SSBP2: variants seen among roughly 807,000 people sequenced by gnomAD.
The protein encoded by SSBP2 is single stranded DNA binding protein 2.
SSBP2 carries 17 observed loss-of-function variants against 61.8 expected under a neutral mutation model. That is an observed-to-expected ratio of 0.28 (90% CI 0.19 to 0.41). SSBP2 has a LOEUF of 0.41. SSBP2 is among the 10% of genes least tolerant of loss of function. SSBP2 has a pLI of 1.00. For missense variants in SSBP2, 310 were observed against 458.7 expected (o/e 0.68, Z 2.96); for synonymous variants, 139 against 141.3 (o/e 0.98, Z 0.12).
chr5:81,639,289 T>C (rs955156533), intron 2 of SSBP2, among the ~76,000 whole-genome samples: 1 of 152,202 alleles, frequency 6.6e-6, no homozygotes, highest in Non-Finnish European at 1.5e-5. Flanking sequence ...TAGAGTTTAC[T>C]ATAATAAAAA....
intron 2 of SSBP2, 63 bp downstream of exon 2, chr5:81,650,204 T>C (rs1294794252): frequency 7.0e-6 from 8 of 1,144,810 alleles, no homozygotes; most frequent in Admixed American, 2.5e-5. Flanking sequence ...ATAATTATTA[T>C]AGTGTGTTTT....
chr5:81,517,255 AGTT>A, intron 4 of SSBP2, among the ~76,000 whole-genome samples: 1 of 152,142 alleles, frequency 6.6e-6, no homozygotes, highest in Middle Eastern at 3.4e-3. Flanking sequence ...TATCATTAAA[AGTT>A]GTTTTGTTTC....
intron 4 of SSBP2, among the ~76,000 whole-genome samples, chr5:81,605,784 G>A (rs934143441): frequency 6.6e-6 from 1 of 152,120 alleles, no homozygotes; most frequent in African/African-American, 2.4e-5. Flanking sequence ...TAATTTCACT[G>A]GGATAGTACT....
intron 6 of SSBP2, among the ~76,000 whole-genome samples, chr5:81,486,306 C>T (rs2154044342): frequency 2.0e-5 from 3 of 152,152 alleles, no homozygotes; most frequent in Admixed American, 2.0e-4. Context: ...TTTACATTCC[C>T]ACCACCAACC....
intron 1 of SSBP2, among the ~76,000 whole-genome samples, chr5:81,704,866 T>G (rs1754257140): frequency 6.6e-6 from 1 of 151,474 alleles, no homozygotes; most frequent in African/African-American, 2.4e-5. Context: ...TAGGCTAAGT[T>G]TAAATGAGTT....
In SSBP2 at chr5:81,574,666, GA is replaced by G. The variant is rs1181591964; in HGVS notation, c.282+40806del. On this transcript the variant is annotated intron_variant, in intron 4 of 16. Transcript: ENST00000320672. The stretch of plus-strand genomic sequence containing the variant: ...GGTAAAACGCGGCGAAAACCAAAGG[GA>G]AAAAAACCCCACAATCTTAAAACCA... Among the ~76,000 whole-genome samples the G allele has an allele frequency of 2.6e-5, 4 of 151,286 alleles. No individual in the cohort carries two copies. The East Asian group carries it at 7.8e-4, about 29-fold the overall frequency.
chr5:81,681,336 G>A (rs571516604), intron 1 of SSBP2, among the ~76,000 whole-genome samples: 7 of 151,986 alleles, frequency 4.6e-5, no homozygotes, highest in East Asian at 1.9e-4. Context: ...CCTGGCCAAC[G>A]TGGCAAAACC....
At chr5:81,723,744 G>C (rs1428833159) in intron 1 of SSBP2, among the ~76,000 whole-genome samples, 1 of 151,880 alleles carries the variant, frequency 6.6e-6, no homozygotes, top group Non-Finnish European at 1.5e-5. Flanking sequence ...TATTGCCCCA[G>C]ACAGTAAGTA....
At chr5:81,698,348 A>T (rs367670154) in intron 1 of SSBP2, among the ~76,000 whole-genome samples, 2 of 152,230 alleles carry the variant, frequency 1.3e-5, no homozygotes, top group Non-Finnish European at 2.9e-5. Context: ...ACCTATTTTC[A>T]TATTTTTTAA....
rs1246268408 is a variant in SSBP2 at position 81,731,950 on chromosome 5, T to G, written c.62+19031A>C. Among the ~76,000 whole-genome samples the G allele has an allele frequency of 2.0e-5, 3 of 151,980 alleles. No individual in the cohort carries two copies. In the East Asian group the frequency reaches 5.8e-4, roughly 29 times the overall value. On this transcript the variant is annotated intron_variant, in intron 1 of 16. Coordinates refer to ENST00000320672, the MANE Select transcript of SSBP2 (RefSeq NM_012446.5). ...AACTTCTGCTGCTTCATCACTGCAG[T>G]GCATTGAGGCACTGGATTTCAAGGC...
At chr5:81,659,049 A>C (rs944822588) in intron 1 of SSBP2, among the ~76,000 whole-genome samples, 6 of 152,220 alleles carry the variant, frequency 3.9e-5, no homozygotes, top group Admixed American at 6.5e-5. Context: ...ACAAACCCAT[A>C]GCCAATATCA....
At chr5:81,640,405 C>T (rs1748679301) in intron 2 of SSBP2, among the ~76,000 whole-genome samples, 1 of 151,850 alleles carries the variant, frequency 6.6e-6, no homozygotes, top group East Asian at 1.9e-4. Context: ...AGGAAAAATT[C>T]CAGGGATTAA....
intron 4 of SSBP2, among the ~76,000 whole-genome samples, chr5:81,577,190 T>C (rs1201609490): frequency 6.6e-6 from 1 of 152,066 alleles, no homozygotes; most frequent in Non-Finnish European, 1.5e-5. Context: ...TAATAACATA[T>C]ATGATGAGAG....
At chr5:81,557,946 T>C (rs6896235) in intron 4 of SSBP2, among the ~76,000 whole-genome samples, 71,001 of 152,020 alleles carry the variant, frequency 0.47, 21,159 homozygotes, top group African/African-American at 0.86. Context: ...TTTCTATATA[T>C]ATTCTTGAGC....
intron 3 of SSBP2, among the ~76,000 whole-genome samples, chr5:81,624,184 A>G (rs1000841685): frequency 6.6e-6 from 1 of 152,216 alleles, no homozygotes; most frequent in Non-Finnish European, 1.5e-5. Context: ...TGAAATTTAC[A>G]TGATAAAATT....
At chr5:81,699,752 A>C (rs2153879257) in intron 1 of SSBP2, among the ~76,000 whole-genome samples, 1 of 152,282 alleles carries the variant, frequency 6.6e-6, no homozygotes, top group South Asian at 2.1e-4. Flanking sequence ...TTTCCTAATG[A>C]CAACTAGAAT....
intron 1 of SSBP2, among the ~76,000 whole-genome samples, chr5:81,750,285 G>C (rs1757649433): frequency 7.1e-6 from 1 of 141,024 alleles, no homozygotes; most frequent in Admixed American, 7.0e-5. Context: ...CGATGCGCGG[G>C]GGACTGCGGG....
chr5:81,702,997 C>A (rs915355265), intron 1 of SSBP2, among the ~76,000 whole-genome samples: 2 of 152,156 alleles, frequency 1.3e-5, no homozygotes, highest in African/African-American at 4.8e-5. Context: ...CTACAACAGA[C>A]AAGTTGGTCA....
At position 81,615,559 on chromosome 5, in the gene SSBP2, T is replaced by TA. The variant is rs773067901; in HGVS notation, c.198-3dup. On this transcript the variant is annotated splice_polypyrimidine_tract_variant and splice_region_variant and intron_variant, in intron 3 of 16. Coordinates refer to ENST00000320672, the MANE Select transcript of SSBP2 (RefSeq NM_012446.5). ...GCACAGTAGAGATCCCAAAATACAC[T>TA]AAAAAAGTAATCATGGTAACATTAA... The TA allele has an allele frequency of 6.9e-6, 11 of 1,602,538 alleles. No individual in the cohort carries two copies. In the East Asian group the frequency reaches 2.0e-4, roughly 29 times the overall value.
Sources: gnomAD v4.1 joint callset for allele counts (sites outside exome capture counted in the v4.1 genomes callset) on GRCh38, gnomAD v4.1.1 for gene constraint, MANE v1.5 for transcripts, NCBI Gene and HGNC (gene_info 2026-07-23, HGNC 2026-07-21) for gene names.